AQP7B: variants seen among roughly 807,000 people sequenced by gnomAD.
AQP7B encodes putative aquaporin-7B.
the AQP7B span, chr2:94,602,671 C>A: frequency 4.0e-6 from 6 of 1,510,968 alleles, no homozygotes; most frequent in Non-Finnish European, 5.5e-6. Context: ...CCAACAGGCT[C>A]TTTCCTGCCC....
chr2:94,603,007 C>T, the AQP7B span: 2 of 1,581,356 alleles, frequency 1.3e-6, no homozygotes, highest in Middle Eastern at 1.9e-4. Flanking sequence ...TCTGCTCTCA[C>T]TCCCTGACAC....
chr2:94,603,544 C>T, the AQP7B span: 5 of 1,569,728 alleles, frequency 3.2e-6, no homozygotes, highest in Non-Finnish European at 3.5e-6. Context: ...GCCCTCCACC[C>T]CTCAGGACAG....
the AQP7B span, among the ~76,000 whole-genome samples, chr2:94,599,607 C>A: frequency 2.9e-4 from 44 of 152,138 alleles, 1 homozygote. Context: ...TCCTCTCCTT[C>A]CTGGAGGACC....
At chr2:94,594,812 A>G in the AQP7B span, 1 of 1,568,424 alleles carries the variant, frequency 6.4e-7, no homozygotes, top group East Asian at 2.2e-5. Context: ...TGGTGCGAGG[A>G]AGATGAGAGG....
the AQP7B span, among the ~76,000 whole-genome samples, chr2:94,591,318 C>T: frequency 6.6e-6 from 1 of 152,198 alleles, no homozygotes; most frequent in Non-Finnish European, 1.5e-5. Flanking sequence ...CTGTGCCCCA[C>T]GCTAGTCATT....
At chr2:94,603,464 C>T in the AQP7B span, 4 of 1,611,932 alleles carry the variant, frequency 2.5e-6, no homozygotes, top group South Asian at 1.1e-5. Context: ...ACCTACCTTC[C>T]TGATCACATG....
At chr2:94,590,663 C>A in the AQP7B span, among the ~76,000 whole-genome samples, 1 of 152,252 alleles carries the variant, frequency 6.6e-6, no homozygotes, top group East Asian at 1.9e-4. Flanking sequence ...TAGTAAGCCA[C>A]CGGGCATGGT....
chr2:94,595,449 A>G, the AQP7B span, among the ~76,000 whole-genome samples: 1 of 152,044 alleles, frequency 6.6e-6, no homozygotes, highest in African/African-American at 2.4e-5. Flanking sequence ...AAGAAAAAAA[A>G]GAAAAAAAAA....
the AQP7B span, among the ~76,000 whole-genome samples, chr2:94,596,040 CAG>C: frequency 2.5e-4 from 38 of 152,288 alleles, no homozygotes; most frequent in Non-Finnish European, 5.3e-4. Context: ...AAGGAACGGT[CAG>C]AGAGGTGTGA....
the AQP7B span, among the ~76,000 whole-genome samples, chr2:94,600,033 C>G: frequency 6.6e-6 from 1 of 152,014 alleles, no homozygotes; most frequent in African/African-American, 2.4e-5. Flanking sequence ...CAAGCACCAC[C>G]ACGCCTGGCT....
At chr2:94,603,216 C>G in the AQP7B span, 61 of 1,451,562 alleles carry the variant, frequency 4.2e-5, no homozygotes, top group Non-Finnish European at 5.0e-5. Context: ...CCTCAGCCGC[C>G]TCCTATGAAA....
the AQP7B span, among the ~76,000 whole-genome samples, chr2:94,593,181 A>T: frequency 6.6e-6 from 1 of 152,002 alleles, no homozygotes; most frequent in Non-Finnish European, 1.5e-5. Flanking sequence ...AGTGGGCACC[A>T]TGGGGCATGT....
chr2:94,604,168 G>A, the AQP7B span: 1 of 1,044,336 alleles, frequency 9.6e-7, no homozygotes, highest in Non-Finnish European at 1.4e-6. Flanking sequence ...CCTGGGTTGG[G>A]GGTGTTTCCT....
At chr2:94,598,112 G>T in the AQP7B span, among the ~76,000 whole-genome samples, 1 of 152,202 alleles carries the variant, frequency 6.6e-6, no homozygotes, top group Non-Finnish European at 1.5e-5. Context: ...GAGGATTGAA[G>T]ACAGTAGCAC....
the AQP7B span, chr2:94,604,313 C>T: frequency 2.7e-5 from 44 of 1,608,280 alleles, no homozygotes; most frequent in Non-Finnish European, 3.7e-5. Flanking sequence ...GTGGTGGGTG[C>T]CAGTGGTGGC....
the AQP7B span, among the ~76,000 whole-genome samples, chr2:94,601,801 G>A: frequency 1.3e-5 from 2 of 152,102 alleles, no homozygotes; most frequent in Non-Finnish European, 2.9e-5. Flanking sequence ...CAGAGGGAGA[G>A]GATAGCACAG....
chr2:94,589,969 C>T, the AQP7B span, among the ~76,000 whole-genome samples: 2 of 152,176 alleles, frequency 1.3e-5, no homozygotes, highest in African/African-American at 2.4e-5. Context: ...ACCCTACTCC[C>T]CCATGGCCAT....
At chr2:94,602,042 T>TGTGTGC in the AQP7B span, among the ~76,000 whole-genome samples, 1 of 151,510 alleles carries the variant, frequency 6.6e-6, no homozygotes, top group South Asian at 2.1e-4. Flanking sequence ...TGTGTGTGTG[T>TGTGTGC]GTGTGTGTGT....
At chr2:94,593,875 T>A in the AQP7B span, among the ~76,000 whole-genome samples, 2 of 152,168 alleles carry the variant, frequency 1.3e-5, no homozygotes, top group Non-Finnish European at 2.9e-5. Context: ...ATTTGGGCCC[T>A]GTTACTCACC....
Sources: gnomAD v4.1 joint callset for allele counts (sites outside exome capture counted in the v4.1 genomes callset) on GRCh38, gnomAD v4.1.1 for gene constraint, MANE v1.5 for transcripts, NCBI Gene and HGNC (gene_info 2026-07-23, HGNC 2026-07-21) for gene names.